Variants in LYPD1 observed in about 807,000 individuals in gnomAD.
The protein encoded by LYPD1 is ly6/PLAUR domain-containing protein 1.
LYPD1 carries 14 observed loss-of-function variants against 14.2 expected under a neutral mutation model. The ratio of observed to expected loss-of-function variants is 0.99; its 90% CI spans 0.65 to 1.54. The LOEUF (loss-of-function observed/expected upper bound fraction) is 1.54. LYPD1 is among the 40% of genes most tolerant of loss of function. The pLI is 0.00. For missense variants in LYPD1, 165 were observed against 175.7 expected, an observed-to-expected ratio of 0.94 and a Z score of 0.34; for synonymous variants, 85 against 70.6, an observed-to-expected ratio of 1.20 and a Z score of -1.02.
At chr2:132,663,615 C>G (rs1258836341) in intron 2 of LYPD1, among the ~76,000 whole-genome samples, 1 of 152,098 alleles carries the variant, frequency 6.6e-6, no homozygotes, top group Non-Finnish European at 1.5e-5. Context: ...TCTCCTTTGC[C>G]AAAAATAGAA....
chr2:132,658,390 C>T (rs1389616911), intron 2 of LYPD1, among the ~76,000 whole-genome samples: 2 of 152,134 alleles, frequency 1.3e-5, no homozygotes, highest in Non-Finnish European at 2.9e-5. Flanking sequence ...AGGACGGGGG[C>T]AGCAGTAATG....
chr2:132,667,560 G>C (rs1683354235), intron 2 of LYPD1, among the ~76,000 whole-genome samples: 3 of 152,206 alleles, frequency 2.0e-5, no homozygotes. Context: ...CAGCCATCAA[G>C]TTATGCTATT....
chr2:132,655,514 ATT>A lies in LYPD1; in HGVS notation c.191-9236_191-9235del, dbSNP rs1180944589. On this transcript the variant is annotated intron_variant, in intron 2 of 2. Transcript: ENST00000397463. ...ATGATTCTCTTGGGGGTTGAGAAGC[ATT>A]TTTTTTTTTTTTTTTTGAGATGGAG... Among the ~76,000 whole-genome samples, 139 of 99,436 alleles carry A rather than the reference ATT, an allele frequency of 1.4e-3. 2 individuals carry two copies. The highest frequency in any genetic ancestry group is 6.2e-3 in the African/African-American group (128 of 20,798). 65.2% of individuals were successfully genotyped at this position (99,436 alleles called of 152,430 possible). A position where few individuals can be genotyped will look rare whatever the true frequency, so the allele number is the denominator to read the frequency against.
At chr2:132,652,024 G>A (rs954280974) in intron 2 of LYPD1, among the ~76,000 whole-genome samples, 1 of 152,172 alleles carries the variant, frequency 6.6e-6, no homozygotes, top group Non-Finnish European at 1.5e-5. Flanking sequence ...CATGGGCCTG[G>A]TTTCCCTGAA....
chr2:132,656,158 A>G (rs987569607), intron 2 of LYPD1, among the ~76,000 whole-genome samples: 15 of 152,234 alleles, frequency 9.9e-5, no homozygotes, highest in African/African-American at 3.6e-4. Flanking sequence ...TTATGCATCT[A>G]TCTTTTCCAA....
At position 132,669,793 on chromosome 2, in the gene LYPD1, C is replaced by A. The variant is rs968191273; in HGVS notation, c.52+88G>T. ...GGCAGCCCCAGCGCAGGGCTGGCCC[C>A]GAGGTGGGCGCCTTGGGGGCAAAAG... On this transcript the variant is annotated intron_variant, in intron 1 of 2. Coordinates refer to ENST00000397463, the MANE Select transcript of LYPD1 (RefSeq NM_144586.7). This position sits in a 1 kb window ranked among gnomAD's most constrained non-coding sequence, Gnocchi z 4.3. The A allele has an allele frequency of 3.2e-6, 5 of 1,563,988 alleles. No homozygotes were observed. Among genetic ancestry groups the A allele is most frequent in the Non-Finnish European group, 4.3e-6 (5 of 1,157,828 alleles).
Position 132,645,209 on chromosome 2 carries a change from A to G in LYPD1, c.*836T>C. 1.2e-5 allele frequency: 20 copies of G among 1,614,190 alleles called. No homozygotes were observed. The highest frequency in any genetic ancestry group is 1.7e-5 in the Non-Finnish European group (20 of 1,180,026). Reference sequence around the variant, plus strand: ...TGGACGAGGTCCTACTTCCGGGCGTACATGATCCTCCTCCCCTTCTCGGAG... The same window carrying G: ...TGGACGAGGTCCTACTTCCGGGCGTGCATGATCCTCCTCCCCTTCTCGGAG... On this transcript the variant is annotated 3_prime_UTR_variant, in exon 3 of 3. Coordinates refer to ENST00000397463, the MANE Select transcript of LYPD1 (RefSeq NM_144586.7).
chr2:132,658,393 C>T (rs1682727352), intron 2 of LYPD1, among the ~76,000 whole-genome samples: 1 of 152,154 alleles, frequency 6.6e-6, no homozygotes, highest in South Asian at 2.1e-4. Context: ...ACGGGGGCAG[C>T]AGTAATGGCT....
chr2:132,654,914 A>G (rs1682501599), intron 2 of LYPD1, among the ~76,000 whole-genome samples: 1 of 151,768 alleles, frequency 6.6e-6, no homozygotes, highest in Non-Finnish European at 1.5e-5. Flanking sequence ...ATGCCCGGTT[A>G]ATTTTTTGTA....
intron 2 of LYPD1, among the ~76,000 whole-genome samples, chr2:132,654,561 C>A (rs1682483607): frequency 1.3e-5 from 2 of 152,200 alleles, no homozygotes; most frequent in Middle Eastern, 3.4e-3. Context: ...ATAGCCCCAA[C>A]CATCTGTGCT....
intron 2 of LYPD1, among the ~76,000 whole-genome samples, chr2:132,665,312 G>A (rs1683206998): frequency 6.6e-6 from 1 of 152,166 alleles, no homozygotes; most frequent in African/African-American, 2.4e-5. Flanking sequence ...CTTAATGTCA[G>A]ACTGGCTTAG....
At chr2:132,653,803 G>A (rs1470464384) in intron 2 of LYPD1, among the ~76,000 whole-genome samples, 1 of 152,208 alleles carries the variant, frequency 6.6e-6, no homozygotes, top group Non-Finnish European at 1.5e-5. Context: ...TGAGAAGGGT[G>A]CATCTCTTCT....
intron 2 of LYPD1, among the ~76,000 whole-genome samples, chr2:132,646,784 T>G (rs1183410916): frequency 1.3e-5 from 2 of 152,186 alleles, no homozygotes; most frequent in African/African-American, 2.4e-5. Flanking sequence ...AATAAATGTA[T>G]CCCTACTGAA....
In LYPD1 at chr2:132,645,343, C is replaced by G. The variant is rs377094381; in HGVS notation, c.*702G>C. The stretch of plus-strand genomic sequence containing the variant: ...GCTGTGCTGCCGCCTGTCGCTGCAG[C>G]ACGCCAACCACGAGAAGCGCCTGCG... On this transcript the variant is annotated 3_prime_UTR_variant, in exon 3 of 3. Transcript: ENST00000397463. The G allele has an allele frequency of 3.1e-6, 5 of 1,614,038 alleles. No homozygotes were observed. The African/African-American group carries it at 6.7e-5, about 22-fold the overall frequency.
intron 2 of LYPD1, among the ~76,000 whole-genome samples, chr2:132,666,023 A>G (rs1348085195): frequency 6.6e-6 from 1 of 152,210 alleles, no homozygotes. Flanking sequence ...GATGTTGACC[A>G]TGTAATAGAA....
intron 2 of LYPD1, among the ~76,000 whole-genome samples, chr2:132,659,882 T>C (rs1323025666): frequency 6.6e-6 from 1 of 152,210 alleles, no homozygotes; most frequent in Non-Finnish European, 1.5e-5. Flanking sequence ...ACCCAAGTGG[T>C]TTGCTACATT....
intron 2 of LYPD1, among the ~76,000 whole-genome samples, chr2:132,667,346 A>T (rs1683338049): frequency 6.6e-6 from 1 of 152,216 alleles, no homozygotes; most frequent in African/African-American, 2.4e-5. Context: ...TGCTTTCCAA[A>T]TAACCATGAG....
At position 132,669,347 on chromosome 2, in the gene LYPD1, G is replaced by A. The variant is rs1390479661; in HGVS notation, c.52+534C>T. ...TGGAGAGAGGACGCGAGACCTTTGCGCCTCTGGACGCTTCGGCCTGGCTGT... is the reference window on the plus strand; with the variant it reads ...TGGAGAGAGGACGCGAGACCTTTGCACCTCTGGACGCTTCGGCCTGGCTGT... On this transcript the variant is annotated intron_variant, in intron 1 of 2. Transcript: ENST00000397463. This position sits in a 1 kb window ranked among gnomAD's most constrained non-coding sequence, Gnocchi z 4.3. Among the ~76,000 whole-genome samples, 1 of 152,024 alleles carries A rather than the reference G, an allele frequency of 6.6e-6. No individual in the cohort carries two copies. The highest frequency in any genetic ancestry group is 1.5e-5 in the Non-Finnish European group (1 of 68,014).
intron 2 of LYPD1, among the ~76,000 whole-genome samples, chr2:132,663,463 T>C (rs1376896685): frequency 6.6e-6 from 1 of 152,078 alleles, no homozygotes. Context: ...TTAGTAGAGA[T>C]GGAGTTTCAC....
Sources: gnomAD v4.1 joint callset for allele counts (sites outside exome capture counted in the v4.1 genomes callset) on GRCh38, gnomAD v4.1.1 for gene constraint, Gnocchi (gnomAD v3.1) non-coding constraint, MANE v1.5 for transcripts, NCBI Gene and HGNC (gene_info 2026-07-23, HGNC 2026-07-21) for gene names.